CSGALNACT1: variants seen among roughly 807,000 people sequenced by gnomAD.
The protein encoded by CSGALNACT1 is beta4GalNAcT-1.
Under a neutral mutation model 51.0 loss-of-function variants are expected in CSGALNACT1, and 52 were observed. That is an observed-to-expected ratio of 1.02 (90% confidence interval 0.82 to 1.29). The LOEUF (loss-of-function observed/expected upper bound fraction) is 1.29. CSGALNACT1 is among the 50% of genes most tolerant of loss of function. CSGALNACT1 has a pLI of 0.00. For missense variants in CSGALNACT1, 935 were observed against 679.2 expected, an observed-to-expected ratio of 1.38 and a Z score of -4.19; for synonymous variants, 341 against 254.4, an observed-to-expected ratio of 1.34 and a Z score of -3.24.
intron 3 of CSGALNACT1, among the ~76,000 whole-genome samples, chr8:19,517,260 G>T (rs887198289): frequency 3.3e-5 from 5 of 152,106 alleles, no homozygotes; most frequent in African/African-American, 1.2e-4. Flanking sequence ...GACCAACATG[G>T]AGAAAAACCA....
chr8:19,602,872 C>T (rs1010718933), upstream of CSGALNACT1: 7 of 152,042 alleles, frequency 4.6e-5, no homozygotes, highest in African/African-American at 1.7e-4. Flanking sequence ...CTTCAATTAA[C>T]GAAGGCACAG....
At chr8:19,429,764 G>T (rs2059365758) in intron 6 of CSGALNACT1, among the ~76,000 whole-genome samples, 1 of 152,198 alleles carries the variant, frequency 6.6e-6, no homozygotes. Flanking sequence ...TGCTGAGTCA[G>T]ATAATAATAC....
chr8:19,711,716 G>C (rs1378284198), intron 1 of CSGALNACT1, among the ~76,000 whole-genome samples: 1 of 152,174 alleles, frequency 6.6e-6, no homozygotes, highest in East Asian at 1.9e-4. Context: ...CAGGTGACCA[G>C]AGCATCATCC....
intron 3 of CSGALNACT1, among the ~76,000 whole-genome samples, chr8:19,530,330 ACACACACACG>A (rs1358105060): frequency 1.3e-5 from 2 of 151,960 alleles, no homozygotes; most frequent in African/African-American, 4.8e-5. Flanking sequence ...ACACACACAC[ACACACACACG>A]CACACAAGTA....
chr8:19,718,056 C>T (rs1263547109), intron 1 of CSGALNACT1, among the ~76,000 whole-genome samples: 1 of 152,152 alleles, frequency 6.6e-6, no homozygotes, highest in Non-Finnish European at 1.5e-5. Flanking sequence ...CCTTGGGGCC[C>T]AGAGTCCCTT....
At chr8:19,528,257 G>A (rs1042699273) in intron 3 of CSGALNACT1, among the ~76,000 whole-genome samples, 5 of 151,072 alleles carry the variant, frequency 3.3e-5, no homozygotes, top group African/African-American at 4.9e-5. Context: ...TTTCCGACTC[G>A]TTCAGGACTG....
At chr8:19,481,692 C>G (rs1394043193) in intron 4 of CSGALNACT1, among the ~76,000 whole-genome samples, 1 of 152,138 alleles carries the variant, frequency 6.6e-6, no homozygotes, top group Admixed American at 6.5e-5. Context: ...CTCAATGCCT[C>G]CCTCTCTGGC....
At chr8:19,604,745 T>TAAAA (rs36019022), upstream of CSGALNACT1, among the ~76,000 whole-genome samples, 2 of 130,334 alleles carry the variant, frequency 1.5e-5, no homozygotes, top group African/African-American at 5.8e-5. Flanking sequence ...GTCTCTACTT[T>TAAAA]AAAAAAAAAA....
intron 1 of CSGALNACT1, among the ~76,000 whole-genome samples, chr8:19,687,987 G>A (rs1313461790): frequency 6.6e-6 from 1 of 152,182 alleles, no homozygotes; most frequent in Admixed American, 6.5e-5. Context: ...TCCGTGTTGT[G>A]GTTTGCAAGG....
chr8:19,498,657 G>A (rs1244177484), intron 4 of CSGALNACT1, among the ~76,000 whole-genome samples: 1 of 152,010 alleles, frequency 6.6e-6, no homozygotes, highest in Non-Finnish European at 1.5e-5. Context: ...TCCAATTTGT[G>A]TACAACGCAG....
At chr8:19,471,994 G>A (rs1338774264) in intron 4 of CSGALNACT1, among the ~76,000 whole-genome samples, 2 of 152,144 alleles carry the variant, frequency 1.3e-5, no homozygotes, top group Non-Finnish European at 2.9e-5. Flanking sequence ...TTGAAGAACT[G>A]TGGGTTTCTA....
chr8:19,451,765 C>A (rs1163873039), intron 5 of CSGALNACT1, among the ~76,000 whole-genome samples: 5 of 152,178 alleles, frequency 3.3e-5, no homozygotes, highest in African/African-American at 4.8e-5. Flanking sequence ...CAAGTCTTTT[C>A]TAGGTAAATA....
At chr8:19,445,042 A>T (rs997320813) in intron 5 of CSGALNACT1, among the ~76,000 whole-genome samples, 1 of 152,198 alleles carries the variant, frequency 6.6e-6, no homozygotes, top group African/African-American at 2.4e-5. Context: ...CACCTCAGGA[A>T]CCCAGAGCAA....
At chr8:19,736,840 T>C (rs1453453490) in intron 1 of CSGALNACT1, among the ~76,000 whole-genome samples, 1 of 152,030 alleles carries the variant, frequency 6.6e-6, no homozygotes, top group Non-Finnish European at 1.5e-5. Context: ...AGAGGTTATT[T>C]TCAAAGAAAT....
chr8:19,751,697 G>A (rs2065038093), intron 1 of CSGALNACT1, among the ~76,000 whole-genome samples: 1 of 152,140 alleles, frequency 6.6e-6, no homozygotes, highest in South Asian at 2.1e-4. Flanking sequence ...CATAGCGGCA[G>A]ACTTCCCCCT....
chr8:19,649,401 G>A (rs118154880), intron 1 of CSGALNACT1, among the ~76,000 whole-genome samples: 1,927 of 152,214 alleles, frequency 0.013, 24 homozygotes, highest in South Asian at 0.026. Flanking sequence ...ATACATGAGC[G>A]TGATCTGTGC....
At chr8:19,574,190 G>C (rs1004327290) in intron 3 of CSGALNACT1, among the ~76,000 whole-genome samples, 1 of 152,192 alleles carries the variant, frequency 6.6e-6, no homozygotes, top group African/African-American at 2.4e-5. Context: ...TGGAATTACA[G>C]GCACAAGCCA....
At chr8:19,690,174 T>C (rs2061222347) in intron 1 of CSGALNACT1, among the ~76,000 whole-genome samples, 2 of 152,236 alleles carry the variant, frequency 1.3e-5, no homozygotes, top group South Asian at 4.1e-4. Flanking sequence ...CATTTCCTAA[T>C]ATTGAGTGGA....
intron 2 of CSGALNACT1, among the ~76,000 whole-genome samples, chr8:19,596,191 G>C (rs1020275732): frequency 2.0e-5 from 3 of 152,064 alleles, no homozygotes; most frequent in Non-Finnish European, 4.4e-5. Context: ...CTCAGGAAAG[G>C]TATCACATTG....
Sources: allele counts gnomAD v4.1 joint callset (sites outside exome capture counted in the v4.1 genomes callset), GRCh38; gene constraint gnomAD v4.1.1; transcripts MANE v1.5; gene names NCBI Gene and HGNC (gene_info 2026-07-23, HGNC 2026-07-21).